MTA3: variants seen among roughly 807,000 people sequenced by gnomAD.
MTA3 encodes metastasis associated 1 family member 3.
In MTA3, 34 loss-of-function variants were observed where a neutral mutation model predicts 83.5. The observed-to-expected ratio is 0.41, with a 90% CI of 0.31 to 0.54. MTA3 has a LOEUF of 0.54. Ranked by LOEUF, MTA3 falls within the 20% of genes least tolerant of loss-of-function variation. The pLI is 0.33. For synonymous variants in MTA3, 303 were observed against 252.7 expected (o/e 1.20, Z -1.89); for missense variants, 761 against 726.4 (o/e 1.05, Z -0.55).
At chr2:42,515,353 C>G (rs2103678813) in intron 2 of MTA3, among the ~76,000 whole-genome samples, 1 of 152,168 alleles carries the variant, frequency 6.6e-6, no homozygotes, top group South Asian at 2.1e-4. Context: ...GCCAGTGTGC[C>G]CAGCCTATTT....
At chr2:42,507,111 G>C (rs1246832892) in intron 2 of MTA3, among the ~76,000 whole-genome samples, 1 of 152,102 alleles carries the variant, frequency 6.6e-6, no homozygotes, top group Non-Finnish European at 1.5e-5. Flanking sequence ...GTGTTTCTGA[G>C]GTTGGTTCCC....
In MTA3 at chr2:42,655,053, C is replaced by T. The variant is rs768734083; in HGVS notation, c.500-1147C>T. Among the ~76,000 whole-genome samples the T allele has an allele frequency of 2.6e-5, 4 of 152,332 alleles. No homozygotes were observed. The East Asian group carries it at 7.7e-4, about 29-fold the overall frequency. On this transcript the variant is annotated intron_variant, in intron 6 of 16. Coordinates refer to ENST00000405094, the MANE Select transcript of MTA3 (RefSeq NM_001330442.2). Reference sequence around the variant, plus strand: ...TACCAATCTCATAACCATGTTTCAGCCCCTCATTACTTGTGAAGGAACTCT... The same window carrying T: ...TACCAATCTCATAACCATGTTTCAGTCCCTCATTACTTGTGAAGGAACTCT...
intron 11 of MTA3, chr2:42,702,606 G>A (rs552553020): frequency 1.7e-4 from 26 of 152,278 alleles, no homozygotes; most frequent in South Asian, 6.2e-4. Context: ...ATTCATTTCC[G>A]ATAAATTATT....
chr2:42,587,305 C>A (rs1449253358), intron 3 of MTA3, among the ~76,000 whole-genome samples: 1 of 152,160 alleles, frequency 6.6e-6, no homozygotes, highest in African/African-American at 2.4e-5. Context: ...GAACAAGACC[C>A]TGCCTCCCAA....
intron 16 of MTA3, among the ~76,000 whole-genome samples, chr2:42,743,297 T>A (rs1487274883): frequency 6.6e-6 from 1 of 152,232 alleles, no homozygotes; most frequent in Non-Finnish European, 1.5e-5. Flanking sequence ...GCTATCTCAG[T>A]CTTTATCAGA....
Position 42,594,728 on chromosome 2 carries a change from A to ATATATATATATATATTTTTT in MTA3, c.191-14729_191-14728insATATATATATATATTTTTTT. ...TACATATATATATATATATATATAT[A>ATATATATATATATATTTTTT]TTTTTTTTTTTTTTTTGAGACAGAG... On this transcript the variant is annotated intron_variant, in intron 3 of 16. Coordinates refer to ENST00000405094, the MANE Select transcript of MTA3 (RefSeq NM_001330442.2). Among the ~76,000 whole-genome samples the ATATATATATATATATTTTTT allele has an allele frequency of 2.0e-3, 49 of 24,022 alleles. 2 individuals are homozygous for ATATATATATATATATTTTTT. The highest frequency in any genetic ancestry group is 6.1e-3 in the African/African-American group (27 of 4,458). 15.8% of individuals were successfully genotyped at this position (24,022 alleles called of 152,430 possible). A position where few individuals can be genotyped will look rare whatever the true frequency, so the allele number is the denominator to read the frequency against.
intron 16 of MTA3, among the ~76,000 whole-genome samples, chr2:42,736,662 C>G (rs1044621823): frequency 6.6e-6 from 1 of 152,090 alleles, no homozygotes; most frequent in Admixed American, 6.5e-5. Flanking sequence ...AGTCTTCTTA[C>G]TCTTCTCTCT....
chr2:42,649,010 G>C (rs1430147263), intron 6 of MTA3, among the ~76,000 whole-genome samples: 4 of 152,048 alleles, frequency 2.6e-5, no homozygotes, highest in Non-Finnish European at 1.5e-5. Flanking sequence ...ATATCGTTGC[G>C]ATGAGCAAAT....
intron 3 of MTA3, among the ~76,000 whole-genome samples, chr2:42,583,739 G>A (rs967909964): frequency 6.6e-6 from 1 of 152,024 alleles, no homozygotes; most frequent in Non-Finnish European, 1.5e-5. Context: ...ATGTTGGCCA[G>A]GCTGGTCTCC....
At position 42,544,584 on chromosome 2, in the gene MTA3, A is replaced by C. The variant is rs886778341; in HGVS notation, c.-140-25853A>C. Among the ~76,000 whole-genome samples the C allele has an allele frequency of 2.7e-5, 4 of 148,950 alleles. No homozygotes were observed. In the South Asian group the frequency reaches 8.7e-4, roughly 32 times the overall value. ...GACAGGATCTTGCTCTGTCACTCAGAGCAAGTGTTGGCCAGGCTGGTCTCA... is the reference window on the plus strand; with the variant it reads ...GACAGGATCTTGCTCTGTCACTCAGCGCAAGTGTTGGCCAGGCTGGTCTCA... On this transcript the variant is annotated intron_variant, in intron 2 of 17. Transcript: ENST00000405592.
intron 2 of MTA3, among the ~76,000 whole-genome samples, chr2:42,524,082 G>C (rs1050399192): frequency 1.3e-5 from 2 of 152,016 alleles, no homozygotes; most frequent in Non-Finnish European, 2.9e-5. Flanking sequence ...GACCTGGGGG[G>C]GCCATCCTAA....
At chr2:42,592,448 G>A (rs1240349911) in intron 3 of MTA3, among the ~76,000 whole-genome samples, 1 of 151,988 alleles carries the variant, frequency 6.6e-6, no homozygotes, top group Non-Finnish European at 1.5e-5. Context: ...GCCGGGTGTG[G>A]TGGCATGCAC....
chr2:42,755,914 G>A lies in MTA3; in HGVS notation c.*2515G>A. 1.0e-6 allele frequency: 1 copy of A among 985,532 alleles called. No homozygotes were observed. Among genetic ancestry groups the A allele is most frequent in the Non-Finnish European group, 1.2e-6 (1 of 830,014 alleles). The allele number at this position is 985,532 out of a possible 1,614,324, so 61.0% of individuals were successfully genotyped here. On this transcript the variant is annotated 3_prime_UTR_variant, in exon 17 of 17. Transcript: ENST00000405094. ...GCCTGCCCACCCTTCACTTCTTAAA[G>A]GTGCGCAAGAGAGGAGGGCCGACTG...
intron 3 of MTA3, among the ~76,000 whole-genome samples, chr2:42,580,037 G>A (rs1268606897): frequency 1.3e-5 from 2 of 152,092 alleles, no homozygotes; most frequent in African/African-American, 2.4e-5. Flanking sequence ...TCGATGTCCC[G>A]GGCTGAAGCA....
chr2:42,700,024 G>C (rs1217383021), intron 11 of MTA3, among the ~76,000 whole-genome samples: 1 of 152,016 alleles, frequency 6.6e-6, no homozygotes, highest in Non-Finnish European at 1.5e-5. Context: ...AGAGAGGAGT[G>C]TGTTTCAGGG....
At chr2:42,498,581 G>C (rs1278960611) in intron 2 of MTA3, among the ~76,000 whole-genome samples, 1 of 152,140 alleles carries the variant, frequency 6.6e-6, no homozygotes, top group Non-Finnish European at 1.5e-5. Flanking sequence ...ACACATATAT[G>C]TAACATACAT....
chr2:42,523,361 C>T (rs547255347), intron 2 of MTA3, among the ~76,000 whole-genome samples: 1 of 152,220 alleles, frequency 6.6e-6, no homozygotes, highest in East Asian at 1.9e-4. Flanking sequence ...GGCAAGAGAG[C>T]GGCAGTGAGA....
At chr2:42,584,539 C>T (rs568227083) in intron 3 of MTA3, among the ~76,000 whole-genome samples, 92 of 151,702 alleles carry the variant, frequency 6.1e-4, no homozygotes, top group Non-Finnish European at 1.1e-3. Context: ...TTGGAGACTT[C>T]AGTGTATTTT....
intron 8 of MTA3, among the ~76,000 whole-genome samples, chr2:42,669,550 A>G (rs776257504): frequency 9.9e-5 from 15 of 152,216 alleles, no homozygotes; most frequent in Non-Finnish European, 2.1e-4. Flanking sequence ...TAGAATTAGT[A>G]CTAATGGACT....
Sources: allele counts gnomAD v4.1 joint callset (sites outside exome capture counted in the v4.1 genomes callset), GRCh38; gene constraint gnomAD v4.1.1; transcripts MANE v1.5; gene names NCBI Gene and HGNC (gene_info 2026-07-23, HGNC 2026-07-21).